CSNK1G1: variants seen among roughly 807,000 people sequenced by gnomAD.
CSNK1G1 encodes the protein casein kinase I isoform gamma-1.
A neutral mutation model predicts 59.6 loss-of-function variants in CSNK1G1; 22 were observed. That is an observed-to-expected ratio of 0.37 (90% CI 0.26 to 0.53). The LOEUF (loss-of-function observed/expected upper bound fraction) is 0.53. Among genes scored for constraint, CSNK1G1 ranks in the 20% least tolerant of loss-of-function variants. The pLI is 0.89. For missense variants in CSNK1G1, 384 were observed against 519.5 expected (o/e 0.74, Z 2.54); for synonymous variants, 179 against 177.1 (o/e 1.01, Z -0.08).
chr15:64,345,354 C>A (rs1171170604), intron 1 of CSNK1G1, among the ~76,000 whole-genome samples: 1 of 152,186 alleles, frequency 6.6e-6, no homozygotes, highest in Non-Finnish European at 1.5e-5. Context: ...TTTGCCAGCT[C>A]AAGCTTCTAG....
At position 64,170,569 on chromosome 15, in the gene CSNK1G1, T is replaced by C. The variant is rs2081652526; in HGVS notation, c.*1362A>G. On this transcript the variant is annotated 3_prime_UTR_variant, in exon 12 of 12. Transcript: ENST00000303052. ...AGCTCAGCTATTGGGGCAGATAGGA[T>C]ACACCGATTTTCTTTTCCTGGCCCT... 6.6e-6 allele frequency: 1 copy of C among 152,614 alleles called. No homozygotes were observed. The highest frequency in any genetic ancestry group is 1.5e-5 in the Non-Finnish European group (1 of 68,034). 9.5% of individuals were successfully genotyped at this position (152,614 alleles called of 1,614,324 possible).
chr15:64,320,889 G>C (rs1279577182), intron 1 of CSNK1G1, among the ~76,000 whole-genome samples: 1 of 151,908 alleles, frequency 6.6e-6, no homozygotes, highest in Admixed American at 6.6e-5. Context: ...GTGAAATATG[G>C]CTTTTTAAAT....
intron 1 of CSNK1G1, among the ~76,000 whole-genome samples, chr15:64,337,302 T>TC (rs1897438643): frequency 6.6e-6 from 1 of 152,126 alleles, no homozygotes. Context: ...GAGTGAAACT[T>TC]CATCACCAAA....
chr15:64,187,652 C>T (rs1398152718), intron 10 of CSNK1G1, among the ~76,000 whole-genome samples: 1 of 152,178 alleles, frequency 6.6e-6, no homozygotes, highest in Non-Finnish European at 1.5e-5. Context: ...ATGTACAAAC[C>T]TGTCTGCACC....
intron 2 of CSNK1G1, among the ~76,000 whole-genome samples, chr15:64,279,777 G>A (rs995967306): frequency 1.3e-5 from 2 of 151,928 alleles, no homozygotes; most frequent in African/African-American, 4.8e-5. Context: ...TTCAAGACAA[G>A]CCTGGCCAAC....
chr15:64,218,616 C>T (rs372731058), intron 4 of CSNK1G1, among the ~76,000 whole-genome samples: 2 of 151,652 alleles, frequency 1.3e-5, no homozygotes, highest in Middle Eastern at 3.2e-3. Flanking sequence ...CTCGAACTCC[C>T]GACTTCAAGT....
chr15:64,336,982 C>T lies in CSNK1G1; in HGVS notation c.-225+19006G>A, dbSNP rs376121817. ...GTGGCTCACACCTGTAATCCCAGCA[C>T]TTCAGGAGGCCAAGACGGGTAAATC... On this transcript the variant is annotated intron_variant, in intron 1 of 11. Transcript: ENST00000303052. Among the ~76,000 whole-genome samples the T allele has an allele frequency of 5.3e-5, 8 of 152,110 alleles. No individual in the cohort carries two copies. In the South Asian group the frequency reaches 6.2e-4, roughly 12 times the overall value.
Position 64,290,510 on chromosome 15 carries a change from A to T in CSNK1G1, c.181+9809T>A, listed in dbSNP as rs79228071. 6.9e-3 allele frequency among the ~76,000 whole-genome samples: 1,056 copies of T among 152,288 alleles called. 16 individuals are homozygous for T. The highest frequency in any genetic ancestry group is 0.024 in the African/African-American group (1,012 of 41,554). On this transcript the variant is annotated intron_variant, in intron 2 of 11. Coordinates refer to ENST00000303052, the MANE Select transcript of CSNK1G1 (RefSeq NM_022048.5). ...AATCAAAAAATGCATGCTTTCACTT[A>T]TAAGTGGGAGCTAAATAATGTGTAC...
At chr15:64,284,894 T>C (rs1894327579) in intron 2 of CSNK1G1, among the ~76,000 whole-genome samples, 1 of 152,098 alleles carries the variant, frequency 6.6e-6, no homozygotes, top group Non-Finnish European at 1.5e-5. Flanking sequence ...ATAATTCTAA[T>C]TCATATTACT....
intron 1 of CSNK1G1, among the ~76,000 whole-genome samples, chr15:64,327,299 G>A (rs931563689): frequency 2.7e-5 from 4 of 149,784 alleles, no homozygotes; most frequent in South Asian, 2.1e-4. Flanking sequence ...AGAGAGCAGT[G>A]GTTCTCCCAG....
chr15:64,268,397 G>A (rs1297153200), intron 2 of CSNK1G1, among the ~76,000 whole-genome samples: 4 of 152,122 alleles, frequency 2.6e-5, no homozygotes, highest in Non-Finnish European at 5.9e-5. Context: ...AAGTTCTAGT[G>A]TTCTATTAAG....
chr15:64,349,024 C>A (rs527281875), intron 1 of CSNK1G1, among the ~76,000 whole-genome samples: 1 of 151,618 alleles, frequency 6.6e-6, no homozygotes, highest in African/African-American at 2.4e-5. Context: ...GTAATTCCAG[C>A]TACTCAGGAG....
intron 2 of CSNK1G1, among the ~76,000 whole-genome samples, chr15:64,262,909 G>A (rs889557490): frequency 6.6e-6 from 1 of 151,654 alleles, no homozygotes; most frequent in African/African-American, 2.4e-5. Flanking sequence ...AGAAACCCCC[G>A]TCTCTACTAA....
intron 2 of CSNK1G1, among the ~76,000 whole-genome samples, chr15:64,277,072 C>T (rs2140358301): frequency 6.6e-6 from 1 of 152,178 alleles, no homozygotes; most frequent in South Asian, 2.1e-4. Flanking sequence ...TGAACTTGAT[C>T]ATTAGACAAA....
intron 10 of CSNK1G1, among the ~76,000 whole-genome samples, chr15:64,192,840 T>TAAAAAAAAAAA (rs66643774): frequency 3.1e-5 from 1 of 32,226 alleles, no homozygotes; most frequent in Non-Finnish European, 5.4e-5. Context: ...GAGATCTGCC[T>TAAAAAAAAAAA]AAAAAAAAAA....
chr15:64,334,387 C>G (rs1897266161), intron 1 of CSNK1G1, among the ~76,000 whole-genome samples: 1 of 152,036 alleles, frequency 6.6e-6, no homozygotes, highest in Non-Finnish European at 1.5e-5. Flanking sequence ...GACAATTTTT[C>G]CACAGACTGG....
chr15:64,191,643 C>A (rs1411318643), intron 10 of CSNK1G1, among the ~76,000 whole-genome samples: 1 of 152,128 alleles, frequency 6.6e-6, no homozygotes, highest in Non-Finnish European at 1.5e-5. Flanking sequence ...AAATCACATT[C>A]CATCTCCATT....
chr15:64,284,315 C>T (rs187601512), intron 2 of CSNK1G1, among the ~76,000 whole-genome samples: 8 of 152,108 alleles, frequency 5.3e-5, no homozygotes, highest in African/African-American at 1.7e-4. Context: ...CTTGAAATTC[C>T]GTATGAATTT....
chr15:64,205,046 G>T, intron 7 of CSNK1G1, 97 bp from the exon 8 acceptor site: 1 of 666,194 alleles, frequency 1.5e-6, no homozygotes, highest in Non-Finnish European at 2.5e-6. Context: ...ACTCAAATTC[G>T]CAGTATTTGT....
Sources: gnomAD v4.1 joint callset for allele counts (sites outside exome capture counted in the v4.1 genomes callset) on GRCh38, gnomAD v4.1.1 for gene constraint, MANE v1.5 for transcripts, NCBI Gene and HGNC (gene_info 2026-07-23, HGNC 2026-07-21) for gene names.